ZCWPW2: variants seen among roughly 807,000 people sequenced by gnomAD.
ZCWPW2 encodes zinc finger CW-type and PWWP domain containing 2.
In ZCWPW2, 45 loss-of-function variants were observed where a neutral mutation model predicts 46.6. The ratio of observed to expected loss-of-function variants is 0.96; its 90% confidence interval spans 0.76 to 1.24. ZCWPW2 has a LOEUF of 1.24. Ranked by LOEUF, ZCWPW2 falls within the 50% of genes most tolerant of loss-of-function variation. ZCWPW2 has a pLI of 0.00. For missense variants in ZCWPW2, 429 were observed against 403.9 expected (o/e 1.06, Z -0.53); for synonymous variants, 152 against 137.1 (o/e 1.11, Z -0.76).
chr3:28,495,520 A>G (rs1006756309), intron 6 of ZCWPW2, among the ~76,000 whole-genome samples: 5 of 152,118 alleles, frequency 3.3e-5, no homozygotes, highest in Non-Finnish European at 5.9e-5. Context: ...GCCATGGGCC[A>G]GATCTGACCT....
intron 2 of ZCWPW2, chr3:28,398,344 T>C (rs1695786489): frequency 6.6e-6 from 1 of 152,230 alleles, no homozygotes. Flanking sequence ...TCAAATATAA[T>C]CATCTTGGGG....
chr3:28,514,000 A>G, intron 6 of ZCWPW2, 64 bp from the exon 7 acceptor site: 1 of 1,337,278 alleles, frequency 7.5e-7, no homozygotes, highest in Non-Finnish European at 1.0e-6. Context: ...CATGGGACCC[A>G]TTATTTTACT....
chr3:28,441,493 G>A (rs576788006), intron 4 of ZCWPW2, among the ~76,000 whole-genome samples: 1 of 152,280 alleles, frequency 6.6e-6, no homozygotes, highest in East Asian at 1.9e-4. Context: ...CTAGAAAGAG[G>A]CTGTAGTGCT....
intron 1 of ZCWPW2, chr3:28,351,486 A>AT (rs1704548083): frequency 6.6e-6 from 1 of 151,574 alleles, no homozygotes; most frequent in African/African-American, 2.4e-5. Context: ...CTTTTTACTT[A>AT]TTTTTAGGTA....
intron 8 of ZCWPW2, among the ~76,000 whole-genome samples, chr3:28,516,917 T>G (rs1575231302): frequency 6.6e-6 from 1 of 151,882 alleles, no homozygotes; most frequent in South Asian, 2.1e-4. Context: ...AAAGCTGAGG[T>G]GGGAGGATCA....
At chr3:28,380,316 C>G (rs1451940030) in intron 1 of ZCWPW2, among the ~76,000 whole-genome samples, 2 of 152,046 alleles carry the variant, frequency 1.3e-5, no homozygotes, top group Non-Finnish European at 2.9e-5. Flanking sequence ...ACTCCTTCCC[C>G]TCACCACCCG....
intron 4 of ZCWPW2, chr3:28,447,697 C>T (rs1698048791): frequency 8.4e-6 from 4 of 476,986 alleles, no homozygotes; most frequent in African/African-American, 1.9e-5. Context: ...TATCTAGCTT[C>T]CACGAACGTT....
intron 6 of ZCWPW2, among the ~76,000 whole-genome samples, chr3:28,508,188 A>C (rs1479901815): frequency 1.3e-5 from 2 of 152,046 alleles, no homozygotes; most frequent in African/African-American, 4.8e-5. Flanking sequence ...GAGGGCATTG[A>C]TCCATTTGTG....
intron 2 of ZCWPW2, among the ~76,000 whole-genome samples, chr3:28,394,175 T>C (rs1436873105): frequency 6.6e-6 from 1 of 151,982 alleles, no homozygotes; most frequent in Non-Finnish European, 1.5e-5. Flanking sequence ...CCATTTACAA[T>C]AGCATCAAAA....
intron 2 of ZCWPW2, among the ~76,000 whole-genome samples, chr3:28,392,923 A>G (rs1165403527): frequency 2.0e-5 from 3 of 151,926 alleles, no homozygotes; most frequent in Non-Finnish European, 4.4e-5. Flanking sequence ...CAAAGTTAGC[A>G]TAAGGTGGGA....
chr3:28,488,624 T>C (rs184318056), intron 5 of ZCWPW2, among the ~76,000 whole-genome samples: 105 of 152,324 alleles, frequency 6.9e-4, no homozygotes, highest in African/African-American at 2.3e-3. Flanking sequence ...ATCAATAACA[T>C]CTGTTCTGGG....
intron 3 of ZCWPW2, 70 bp from the exon 4 acceptor site, chr3:28,435,040 G>T: frequency 1.3e-6 from 2 of 1,528,540 alleles, no homozygotes; most frequent in South Asian, 1.2e-5. Context: ...GTTAATATGC[G>T]ATTGATAGAC....
chr3:28,520,654 G>A (rs1700698270), intron 8 of ZCWPW2, among the ~76,000 whole-genome samples: 1 of 152,024 alleles, frequency 6.6e-6, no homozygotes, highest in Non-Finnish European at 1.5e-5. Context: ...AGAAAAATTT[G>A]CTGACACTTT....
At chr3:28,500,116 G>GGAC (rs1700101508) in intron 6 of ZCWPW2, among the ~76,000 whole-genome samples, 1 of 151,716 alleles carries the variant, frequency 6.6e-6, no homozygotes, top group South Asian at 2.1e-4. Flanking sequence ...GTTTTTTTAA[G>GGAC]GACAATTCCC....
chr3:28,485,138 G>GTT (rs563714823), intron 5 of ZCWPW2, among the ~76,000 whole-genome samples: 3 of 143,432 alleles, frequency 2.1e-5, no homozygotes. Context: ...TTTTTCTTGA[G>GTT]TTTTTTTTTT....
intron 3 of ZCWPW2, among the ~76,000 whole-genome samples, chr3:28,430,449 G>C (rs186323094): frequency 6.6e-6 from 1 of 152,180 alleles, no homozygotes; most frequent in Non-Finnish European, 1.5e-5. Flanking sequence ...GATTTCACAG[G>C]CTTATAGACA....
At chr3:28,476,812 T>A (rs1699251883) in intron 4 of ZCWPW2, among the ~76,000 whole-genome samples, 1 of 152,106 alleles carries the variant, frequency 6.6e-6, no homozygotes, top group South Asian at 2.1e-4. Flanking sequence ...CAGTGACAGA[T>A]CATCAGGCAT....
In ZCWPW2 at chr3:28,349,095, G is replaced by T. The variant is rs768046592; in HGVS notation, c.-242G>T. The T allele has an allele frequency of 1.5e-5, 15 of 985,614 alleles. No homozygotes were observed. Among genetic ancestry groups the T allele is most frequent in the Admixed American group, 6.1e-5 (1 of 16,272 alleles). The allele number at this position is 985,614 out of a possible 1,614,324, so 61.1% of individuals were successfully genotyped here. A position where few individuals can be genotyped will look rare whatever the true frequency, so the allele number is the denominator to read the frequency against. On this transcript the variant is annotated 5_prime_UTR_variant, in exon 1 of 10. Transcript: ENST00000383768. ...AGCGAAGCCAGGTTCGGTCGTGGGG[G>T]TGGGGAAGTGCAGGAGTGGCGCGCG... is the stretch of plus-strand genomic sequence containing the variant.
chr3:28,442,030 C>T (rs1196542182), intron 4 of ZCWPW2, among the ~76,000 whole-genome samples: 1 of 152,206 alleles, frequency 6.6e-6, no homozygotes, highest in Non-Finnish European at 1.5e-5. Flanking sequence ...ATTGGTTCTG[C>T]TGGGTCATAT....
Sources: allele counts gnomAD v4.1 joint callset (sites outside exome capture counted in the v4.1 genomes callset), GRCh38; gene constraint gnomAD v4.1.1; transcripts MANE v1.5; gene names NCBI Gene and HGNC (gene_info 2026-07-23, HGNC 2026-07-21).